Variants in CADM1 observed in about 807,000 individuals in gnomAD.
CADM1 encodes TSLC-1.
A neutral mutation model predicts 53.1 loss-of-function variants in CADM1; 15 were observed. That is an observed-to-expected ratio of 0.28 (90% CI 0.19 to 0.44). CADM1 has a LOEUF of 0.44. Ranked by LOEUF, CADM1 falls within the 20% of genes least tolerant of loss-of-function variation. CADM1 has a pLI of 1.00. For missense variants in CADM1, 434 were observed against 611.3 expected, an observed-to-expected ratio of 0.71 and a Z score of 3.06; for synonymous variants, 281 against 243.0, an observed-to-expected ratio of 1.16 and a Z score of -1.45.
At chr11:115,245,914 A>G (rs1332516257) in intron 1 of CADM1, among the ~76,000 whole-genome samples, 1 of 152,248 alleles carries the variant, frequency 6.6e-6, no homozygotes, top group Non-Finnish European at 1.5e-5. Flanking sequence ...TTTATATCAA[A>G]TCAGAAACCT....
At chr11:115,204,468 G>A (rs1455611748) in intron 8 of CADM1, among the ~76,000 whole-genome samples, 1 of 152,172 alleles carries the variant, frequency 6.6e-6, no homozygotes, top group African/African-American at 2.4e-5. Flanking sequence ...GCATCGTGCT[G>A]TACATATTAT....
chr11:115,433,271 C>T (rs933430265), intron 1 of CADM1, among the ~76,000 whole-genome samples: 1 of 152,156 alleles, frequency 6.6e-6, no homozygotes, highest in South Asian at 2.1e-4. Context: ...TAGACACATA[C>T]AAAATGCATT....
Position 115,229,183 on chromosome 11 carries a change from T to C in CADM1, c.651A>G (p.Pro217=). ...CAGGGTGCTCCACCTGGCAGATCAC[T>C]GGGACCCCATCGTCCTCCTTGTGCA... ...LKVHKEDDGV[P]VICQVEHPAV... Residue 217 remains proline (P), a synonymous_variant, in exon 5 of 12, where the codon CCA becomes CCG. Coordinates refer to ENST00000331581, the MANE Select transcript of CADM1 (RefSeq NM_001301043.2). 5 of 1,614,146 alleles carry C rather than the reference T, an allele frequency of 3.1e-6. No individual in the cohort carries two copies. The highest frequency in any genetic ancestry group is 4.2e-6 in the Non-Finnish European group (5 of 1,180,014).
chr11:115,226,461 C>T (rs1941611449), intron 5 of CADM1, among the ~76,000 whole-genome samples: 1 of 152,146 alleles, frequency 6.6e-6, no homozygotes, highest in Non-Finnish European at 1.5e-5. Flanking sequence ...GGCCAATGAT[C>T]CCCAAAAGGT....
At chr11:115,224,517 A>G (rs1459073580) in intron 5 of CADM1, among the ~76,000 whole-genome samples, 1 of 152,014 alleles carries the variant, frequency 6.6e-6, no homozygotes, top group Non-Finnish European at 1.5e-5. Context: ...TTCTTTTTTT[A>G]AAATATGCAC....
chr11:115,262,919 T>C (rs1423645812), intron 1 of CADM1, among the ~76,000 whole-genome samples: 1 of 152,234 alleles, frequency 6.6e-6, no homozygotes, highest in Non-Finnish European at 1.5e-5. Flanking sequence ...TAACATCTTA[T>C]TTAGCTGTGG....
rs1275400157 is a variant in CADM1 at position 115,315,205 on chromosome 11, CTT to C, written c.125-74787_125-74786del. 1.6e-4 allele frequency among the ~76,000 whole-genome samples: 25 copies of C among 152,260 alleles called. 1 individual carries two copies. The highest frequency in any genetic ancestry group is 5.9e-5 in the Non-Finnish European group (4 of 68,016). ...AGGGAGGAAGAGAAAAAAAAGGACT[CTT>C]TTAATGGAAACGTCTTCCCACTGAG... On this transcript the variant is annotated intron_variant, in intron 1 of 11. Coordinates refer to ENST00000331581, the MANE Select transcript of CADM1 (RefSeq NM_001301043.2).
intron 1 of CADM1, among the ~76,000 whole-genome samples, chr11:115,345,396 G>T (rs1247695308): frequency 6.6e-6 from 1 of 152,190 alleles, no homozygotes; most frequent in Non-Finnish European, 1.5e-5. Flanking sequence ...GCAAGGGACA[G>T]GACAAGGTTA....
At chr11:115,279,277 G>T (rs758666364) in intron 1 of CADM1, among the ~76,000 whole-genome samples, 4 of 151,982 alleles carry the variant, frequency 2.6e-5, no homozygotes, top group Non-Finnish European at 5.9e-5. Context: ...TGGATTTGGG[G>T]GTATAGTCAA....
intron 1 of CADM1, among the ~76,000 whole-genome samples, chr11:115,478,390 A>G (rs1423921029): frequency 6.6e-6 from 1 of 152,182 alleles, no homozygotes; most frequent in Non-Finnish European, 1.5e-5. Context: ...ATATCTAGAA[A>G]AGGCTTAAAA....
intron 10 of CADM1, among the ~76,000 whole-genome samples, chr11:115,180,795 G>A (rs888310160): frequency 2.0e-5 from 3 of 152,112 alleles, no homozygotes; most frequent in African/African-American, 7.2e-5. Flanking sequence ...AAAAGTAACA[G>A]AAAAGCCAGC....
At chr11:115,188,113 C>T (rs764671702) in intron 10 of CADM1, among the ~76,000 whole-genome samples, 37 of 152,158 alleles carry the variant, frequency 2.4e-4, no homozygotes, top group Non-Finnish European at 4.7e-4. Flanking sequence ...AAGGCCCCTC[C>T]ACTGCTGAAG....
chr11:115,181,049 C>T (rs1001757088), intron 10 of CADM1, among the ~76,000 whole-genome samples: 1 of 151,674 alleles, frequency 6.6e-6, no homozygotes, highest in East Asian at 1.9e-4. Context: ...AGAGAAGCTT[C>T]GAGAAGCTGT....
chr11:115,462,363 C>T (rs1948815035), intron 1 of CADM1, among the ~76,000 whole-genome samples: 1 of 152,152 alleles, frequency 6.6e-6, no homozygotes. Flanking sequence ...ATATCACCTG[C>T]ACTACATACA....
chr11:115,214,594 A>G lies in CADM1; in HGVS notation c.994+14T>C, dbSNP rs1462253084. ...ACTGACTCTAGTAGAAGAGCATTTT[A>G]TCTTCTCACGTACCGTATACATACA... is the stretch of plus-strand genomic sequence containing the variant. On this transcript the variant is annotated intron_variant, in intron 7 of 11. Coordinates refer to ENST00000331581, the MANE Select transcript of CADM1 (RefSeq NM_001301043.2). 1.7e-5 allele frequency: 28 copies of G among 1,608,316 alleles called. No homozygotes were observed. The highest frequency in any genetic ancestry group is 2.2e-5 in the Non-Finnish European group (26 of 1,174,748).
At chr11:115,336,178 A>AAG (rs1945262650) in intron 1 of CADM1, among the ~76,000 whole-genome samples, 1 of 152,152 alleles carries the variant, frequency 6.6e-6, no homozygotes, top group Non-Finnish European at 1.5e-5. Context: ...TGTGGAGGTG[A>AAG]AGAATACAAT....
At chr11:115,362,633 A>G (rs1250534550) in intron 1 of CADM1, among the ~76,000 whole-genome samples, 3 of 152,218 alleles carry the variant, frequency 2.0e-5, no homozygotes, top group African/African-American at 7.2e-5. Flanking sequence ...TCTCTATTAT[A>G]CAGTCTTCCA....
chr11:115,445,524 A>G (rs1257113361), intron 1 of CADM1, among the ~76,000 whole-genome samples: 3 of 151,916 alleles, frequency 2.0e-5, no homozygotes, highest in Admixed American at 2.0e-4. Flanking sequence ...AAATCAAAGA[A>G]CCGTGTAGCC....
intron 8 of CADM1, among the ~76,000 whole-genome samples, chr11:115,200,919 T>C (rs1238535811): frequency 1.3e-5 from 2 of 152,214 alleles, no homozygotes; most frequent in East Asian, 3.9e-4. Context: ...CAATTTACTG[T>C]CTTCCTACAT....
Sources: allele counts gnomAD v4.1 joint callset (sites outside exome capture counted in the v4.1 genomes callset), GRCh38; gene constraint gnomAD v4.1.1; transcripts MANE v1.5; gene names NCBI Gene and HGNC (gene_info 2026-07-23, HGNC 2026-07-21).